ARHGEF10: variants seen among roughly 807,000 people sequenced by gnomAD.
The protein encoded by ARHGEF10 is Rho guanine nucleotide exchange factor 10.
Under a neutral mutation model 147.4 loss-of-function variants are expected in ARHGEF10, and 140 were observed. The ratio of observed to expected loss-of-function variants is 0.95; its 90% confidence interval spans 0.83 to 1.09. ARHGEF10 has a LOEUF of 1.09. ARHGEF10 is among the 50% of genes least tolerant of loss of function. The probability of loss-of-function intolerance (pLI) is 0.00; values close to 1 mark genes in which losing one functional copy is unlikely to be tolerated. For missense variants in ARHGEF10, 2,222 were observed against 1,752.7 expected, an observed-to-expected ratio of 1.27 and a Z score of -4.78; for synonymous variants, 902 against 695.8, an observed-to-expected ratio of 1.30 and a Z score of -4.67.
chr8:1,916,515 T>A (rs1811771410), intron 18 of ARHGEF10, among the ~76,000 whole-genome samples: 1 of 152,204 alleles, frequency 6.6e-6, no homozygotes. Flanking sequence ...TTCTTATTGT[T>A]CTTCTCTGTT....
In ARHGEF10 at chr8:1,869,241, T is replaced by A. The variant is rs763515461; in HGVS notation, c.670T>A (p.Ser224Thr). 5.1e-5 allele frequency: 82 copies of A among 1,613,872 alleles called. 1 individual carries two copies. In the South Asian group the frequency reaches 8.3e-4, roughly 16 times the overall value. ...TGACGTTCCAAGGGAAAACTCAGACTCTGAACCAGGTTTGATTTTGTCTGG... is the reference window on the plus strand; with the variant it reads ...TGACGTTCCAAGGGAAAACTCAGACACTGAACCAGGTTTGATTTTGTCTGG... ...YDDVPRENSDSEPDEMIYDDV... is the reference protein window; with the variant it reads ...YDDVPRENSDTEPDEMIYDDV... The change falls in exon 7 of 29, where the codon TCT (serine) becomes ACT (threonine). Residue 224 changes from serine (S) to threonine (T), a missense_variant. Transcript: ENST00000349830.
At chr8:1,826,886 T>C (rs1802803710) in intron 1 of ARHGEF10, among the ~76,000 whole-genome samples, 1 of 152,260 alleles carries the variant, frequency 6.6e-6, no homozygotes, top group African/African-American at 2.4e-5. Flanking sequence ...AAGGGAAGCG[T>C]AGCTGTTAGT....
In ARHGEF10 at chr8:1,955,707, G is replaced by T. The variant is rs556421768; in HGVS notation, c.3521-1042G>T. Reference sequence around the variant, plus strand: ...CTTCCTGAAAGGACGTGCACTCACTGTGTTTCTTTGGATGGTAGCTAGGTG... The same window carrying T: ...CTTCCTGAAAGGACGTGCACTCACTTTGTTTCTTTGGATGGTAGCTAGGTG... On this transcript the variant is annotated intron_variant, in intron 28 of 28. Transcript: ENST00000349830. Among the ~76,000 whole-genome samples, 24 of 152,060 alleles carry T rather than the reference G, an allele frequency of 1.6e-4. 2 individuals carry two copies. The South Asian group carries it at 4.6e-3, about 29-fold the overall frequency.
chr8:1,875,598 T>C (rs116756097), intron 7 of ARHGEF10, among the ~76,000 whole-genome samples: 29 of 152,382 alleles, frequency 1.9e-4, no homozygotes, highest in African/African-American at 7.0e-4. Flanking sequence ...TCACGCATTT[T>C]ATGGCTTTGC....
Position 1,824,039 on chromosome 8 carries a change from A to C in ARHGEF10, c.-122A>C, listed in dbSNP as rs865857680. On this transcript the variant is annotated 5_prime_UTR_variant, in exon 1 of 29. Coordinates refer to ENST00000349830, the MANE Select transcript of ARHGEF10 (RefSeq NM_014629.4). ...GGAACGGCGGGGGACGGCGGGGAAC[A>C]GCGGGGGACGGCGGGGAACAGCGGG... 3.0e-5 allele frequency: 1 copy of C among 33,148 alleles called. No homozygotes were observed. Among genetic ancestry groups the C allele is most frequent in the African/African-American group, 1.3e-4 (1 of 7,782 alleles). 2.1% of individuals were successfully genotyped at this position (33,148 alleles called of 1,614,324 possible).
At chr8:1,908,500 G>A (rs1163698260) in intron 17 of ARHGEF10, among the ~76,000 whole-genome samples, 1 of 152,136 alleles carries the variant, frequency 6.6e-6, no homozygotes, top group Non-Finnish European at 1.5e-5. Flanking sequence ...CCAAAGTGCT[G>A]GGATTACAGG....
intron 7 of ARHGEF10, among the ~76,000 whole-genome samples, chr8:1,875,612 GCTGCTGTTGAC>G (rs1411157435): frequency 1.3e-5 from 2 of 152,216 alleles, no homozygotes; most frequent in African/African-American, 4.8e-5. Flanking sequence ...GCTTTGCCAG[GCTGCTGTTGAC>G]CTGCCAGAAC....
At chr8:1,874,780 G>T (rs1253373567) in intron 7 of ARHGEF10, among the ~76,000 whole-genome samples, 4 of 148,494 alleles carry the variant, frequency 2.7e-5, no homozygotes, top group African/African-American at 5.2e-5. Context: ...ACACACCAGG[G>T]CGTGTAGGGG....
chr8:1,867,621 C>G (rs1406865292), intron 6 of ARHGEF10, among the ~76,000 whole-genome samples: 4 of 152,210 alleles, frequency 2.6e-5, no homozygotes, highest in African/African-American at 7.2e-5. Flanking sequence ...GTTGGCTGAG[C>G]CAGCCCCCCT....
At chr8:1,837,710 C>A (rs904035086) in intron 1 of ARHGEF10, among the ~76,000 whole-genome samples, 7 of 152,118 alleles carry the variant, frequency 4.6e-5, no homozygotes, top group African/African-American at 1.7e-4. Context: ...CACTTGCTCA[C>A]CACCTTTGAG....
intron 11 of ARHGEF10, 60 bp downstream of exon 11, chr8:1,885,767 A>G: frequency 7.5e-7 from 1 of 1,330,156 alleles, no homozygotes. Flanking sequence ...GTTTTTAAAT[A>G]TTTGTGTGTT....
intron 27 of ARHGEF10, 173 bp downstream of exon 27, chr8:1,945,828 T>C: frequency 2.0e-6 from 2 of 1,023,722 alleles, no homozygotes; most frequent in Non-Finnish European, 2.9e-6. Flanking sequence ...GTACGGAGCA[T>C]GGTCAGCCCA....
At position 1,949,927 on chromosome 8, in the gene ARHGEF10, G is replaced by A. The variant is rs188379621; in HGVS notation, c.3398-2778G>A. Among the ~76,000 whole-genome samples, 305 of 152,192 alleles carry A rather than the reference G, an allele frequency of 2.0e-3. 4 individuals are homozygous for A. In the South Asian group the frequency reaches 0.023, roughly 11 times the overall value. On this transcript the variant is annotated intron_variant, in intron 27 of 28. Coordinates refer to ENST00000349830, the MANE Select transcript of ARHGEF10 (RefSeq NM_014629.4). ...GGACGTATTGCTTCTTCTACTCACT[G>A]TTCTGTCTCTGAGGTTATTTGAATG...
chr8:1,936,653 A>G (rs775505665), intron 26 of ARHGEF10, among the ~76,000 whole-genome samples: 2 of 152,356 alleles, frequency 1.3e-5, no homozygotes, highest in East Asian at 1.9e-4. Flanking sequence ...AAATGTTATC[A>G]TTAAGAGCTT....
At chr8:1,867,171 C>T (rs1563201471) in intron 6 of ARHGEF10, among the ~76,000 whole-genome samples, 2 of 152,088 alleles carry the variant, frequency 1.3e-5, no homozygotes, top group Non-Finnish European at 2.9e-5. Flanking sequence ...TTAGTAGCCT[C>T]TTATTTATTT....
intron 2 of ARHGEF10, among the ~76,000 whole-genome samples, chr8:1,847,011 G>A (rs1563168870): frequency 1.3e-5 from 2 of 152,218 alleles, no homozygotes; most frequent in Admixed American, 1.3e-4. Flanking sequence ...CAGGGGTGCT[G>A]TTGTGTGTTC....
chr8:1,864,587 C>A, intron 5 of ARHGEF10, 151 bp downstream of exon 5: 2 of 781,656 alleles, frequency 2.6e-6, no homozygotes, highest in Non-Finnish European at 2.3e-6. Context: ...GGGTCCCTCC[C>A]AGGCGAGTGT....
chr8:1,824,191 C>A (rs1802594495), intron 1 of ARHGEF10, 78 bp downstream of exon 1: 1 of 152,206 alleles, frequency 6.6e-6, no homozygotes, highest in African/African-American at 2.4e-5. Context: ...CTGCCCGGCT[C>A]CCCCGAAATC....
At chr8:1,853,254 G>A (rs979381977) in intron 2 of ARHGEF10, among the ~76,000 whole-genome samples, 7 of 152,186 alleles carry the variant, frequency 4.6e-5, no homozygotes, top group Admixed American at 2.0e-4. Context: ...TGCCCAGGCC[G>A]CCCTTCCCTG....
Sources: gnomAD v4.1 joint callset for allele counts (sites outside exome capture counted in the v4.1 genomes callset) on GRCh38, gnomAD v4.1.1 for gene constraint, MANE v1.5 for transcripts, NCBI Gene and HGNC (gene_info 2026-07-23, HGNC 2026-07-21) for gene names.